DCAF5: variants seen among roughly 807,000 people sequenced by gnomAD.
DCAF5 encodes DDB1- and CUL4-associated factor 5.
DCAF5 carries 9 observed loss-of-function variants against 80.7 expected under a neutral mutation model. The observed-to-expected ratio is 0.11, with a 90% CI of 0.07 to 0.19. The LOEUF is 0.19. Among genes scored for constraint, DCAF5 ranks in the 10% least tolerant of loss-of-function variants. The pLI is 1.00. For missense variants in DCAF5, 842 were observed against 1,205.7 expected (o/e 0.70, Z 4.47); for synonymous variants, 433 against 461.9 (o/e 0.94, Z 0.80).
chr14:69,128,782 C>A (rs1416144541), intron 1 of DCAF5, among the ~76,000 whole-genome samples: 2 of 151,838 alleles, frequency 1.3e-5, no homozygotes, highest in African/African-American at 2.4e-5. Flanking sequence ...CAAACAACAA[C>A]AAAAAAACCA....
chr14:69,092,067 T>A (rs2039551166), intron 5 of DCAF5, among the ~76,000 whole-genome samples, 180 bp from the exon 6 acceptor site: 1 of 152,216 alleles, frequency 6.6e-6, no homozygotes, highest in Non-Finnish European at 1.5e-5. Flanking sequence ...TTAAAACAAG[T>A]TACTTCAATT....
chr14:69,070,962 T>C (rs1447943715), intron 7 of DCAF5, among the ~76,000 whole-genome samples: 1 of 152,108 alleles, frequency 6.6e-6, no homozygotes, highest in Non-Finnish European at 1.5e-5. Context: ...TACACCTGGC[T>C]AATTTTTGAA....
chr14:69,053,840 T>A lies in DCAF5; in HGVS notation c.*17A>T. On this transcript the variant is annotated 3_prime_UTR_variant, in exon 9 of 9. Transcript: ENST00000341516. Reference sequence around the variant, plus strand: ...GTAAGGCTACTTTTGTAGCTTTTTGTTTTCCCTTTGTATTTATCATGTTTT... The same window carrying A: ...GTAAGGCTACTTTTGTAGCTTTTTGATTTCCCTTTGTATTTATCATGTTTT... The A allele has an allele frequency of 6.4e-7, 1 of 1,571,754 alleles. No homozygotes were observed. The highest frequency in any genetic ancestry group is 1.4e-5 in the African/African-American group (1 of 72,578).
intron 7 of DCAF5, among the ~76,000 whole-genome samples, chr14:69,069,971 C>G (rs1199084270): frequency 6.6e-6 from 1 of 152,176 alleles, no homozygotes; most frequent in Non-Finnish European, 1.5e-5. Context: ...CTACTAAGTA[C>G]TCTCACAATA....
Position 69,152,608 on chromosome 14 carries a change from A to G in DCAF5, c.214+157T>C. On this transcript the variant is annotated intron_variant, in intron 1 of 8. Transcript: ENST00000341516. The surrounding 1 kb of genome is among the most constrained non-coding windows in gnomAD (Gnocchi z 4.1). ...ATCCTCTCCTTCCCCTCCCCCTGCA[A>G]TGGTTTTAATTTGACACCAAACCTT... is the stretch of plus-strand genomic sequence containing the variant. 1.7e-6 allele frequency: 1 copy of G among 604,856 alleles called. No homozygotes were observed. Among genetic ancestry groups the G allele is most frequent in the Non-Finnish European group, 2.9e-6 (1 of 345,318 alleles). 37.5% of individuals were successfully genotyped at this position (604,856 alleles called of 1,614,324 possible). A position where few individuals can be genotyped will look rare whatever the true frequency, so the allele number is the denominator to read the frequency against.
Position 69,078,039 on chromosome 14 carries a change from G to C in DCAF5, c.880-2628C>G, listed in dbSNP as rs2038966021. On this transcript the variant is annotated intron_variant, in intron 6 of 8. Coordinates refer to ENST00000341516, the MANE Select transcript of DCAF5 (RefSeq NM_003861.3). ...ACACTGTGAAGGAATGTTGGAGGCTGGATTAGACCTGAAAAGTCCCTAAGC... is the reference window on the plus strand; with the variant it reads ...ACACTGTGAAGGAATGTTGGAGGCTCGATTAGACCTGAAAAGTCCCTAAGC... Among the ~76,000 whole-genome samples the C allele has an allele frequency of 2.6e-5, 4 of 152,240 alleles. No homozygotes were observed. The South Asian group carries it at 8.3e-4, about 32-fold the overall frequency.
At chr14:69,106,798 G>T (rs558615761) in intron 5 of DCAF5, among the ~76,000 whole-genome samples, 1 of 152,294 alleles carries the variant, frequency 6.6e-6, no homozygotes, top group South Asian at 2.1e-4. Flanking sequence ...CCAGCACATT[G>T]GGAGGCTGAG....
At chr14:69,060,714 T>C (rs1407104313) in intron 8 of DCAF5, among the ~76,000 whole-genome samples, 3 of 152,030 alleles carry the variant, frequency 2.0e-5, no homozygotes, top group African/African-American at 7.2e-5. Flanking sequence ...GTAGTTTTAG[T>C]AGAGACAGGG....
chr14:69,078,874 C>CT (rs968533528), intron 6 of DCAF5, among the ~76,000 whole-genome samples: 52 of 149,356 alleles, frequency 3.5e-4, no homozygotes, highest in Admixed American at 6.7e-4. Context: ...TTAATGTACA[C>CT]TTTTTTTTTT....
intron 1 of DCAF5, among the ~76,000 whole-genome samples, chr14:69,150,625 G>A (rs1250329566): frequency 6.6e-6 from 1 of 151,854 alleles, no homozygotes; most frequent in Non-Finnish European, 1.5e-5. Context: ...GGTGGCTTAT[G>A]CTTGCAATCT....
rs1293985120 is a variant in DCAF5 at position 69,118,611 on chromosome 14, G to A, written c.396-333C>T. Among the ~76,000 whole-genome samples, 5 of 152,246 alleles carry A rather than the reference G, an allele frequency of 3.3e-5. No individual in the cohort carries two copies. On this transcript the variant is annotated intron_variant, in intron 3 of 8. Transcript: ENST00000341516. This position sits in a 1 kb window ranked among gnomAD's most constrained non-coding sequence, Gnocchi z 4.0. ...GGGGGTCATACTTGATTTTCAAAAA[G>A]CAAGGGAAAGCTTTAAAGCAGCCAA...
At chr14:69,123,247 T>G (rs1214240067) in intron 1 of DCAF5, among the ~76,000 whole-genome samples, 1 of 152,244 alleles carries the variant, frequency 6.6e-6, no homozygotes, top group Non-Finnish European at 1.5e-5. Context: ...GTAATCCATT[T>G]GCATAAAACA....
chr14:69,114,398 A>T (rs1191328173), intron 5 of DCAF5, among the ~76,000 whole-genome samples: 1 of 152,198 alleles, frequency 6.6e-6, no homozygotes, highest in Non-Finnish European at 1.5e-5. Flanking sequence ...TAGATCTGTT[A>T]GTGTTGGTAT....
intron 5 of DCAF5, among the ~76,000 whole-genome samples, chr14:69,099,249 T>TC (rs1452651274): frequency 9.9e-6 from 1 of 101,504 alleles, no homozygotes; most frequent in Non-Finnish European, 1.9e-5. Context: ...GGACTCTGTC[T>TC]CAACACACAC....
intron 7 of DCAF5, among the ~76,000 whole-genome samples, chr14:69,069,931 T>C (rs2038619017): frequency 6.6e-6 from 1 of 152,202 alleles, no homozygotes; most frequent in African/African-American, 2.4e-5. Flanking sequence ...GAGAAGGCTT[T>C]CTTAGTGAGG....
rs1434657074 is a variant in DCAF5 at position 69,053,628 on chromosome 14, T to A, written c.*229A>T. The A allele has an allele frequency of 1.6e-5, 8 of 487,488 alleles. No individual in the cohort carries two copies. In the African/African-American group the frequency reaches 2.0e-4, roughly 12 times the overall value. The allele number at this position is 487,488 out of a possible 1,614,324, so 30.2% of individuals were successfully genotyped here. On this transcript the variant is annotated 3_prime_UTR_variant, in exon 9 of 9. Transcript: ENST00000341516. The stretch of plus-strand genomic sequence containing the variant: ...CACGTCTCACTAGAAAGGAGTCACT[T>A]GGGTTATTTTTTTTTCCCCTTTCTT...
intron 5 of DCAF5, 27 bp downstream of exon 5, chr14:69,116,339 T>A (rs778192756): frequency 1.2e-6 from 2 of 1,601,882 alleles, no homozygotes; most frequent in African/African-American, 1.3e-5. Context: ...AGGAAAGTTT[T>A]AACACCTATG....
chr14:69,134,862 G>A (rs765375784), intron 1 of DCAF5, among the ~76,000 whole-genome samples: 2 of 152,162 alleles, frequency 1.3e-5, no homozygotes, highest in African/African-American at 4.8e-5. Context: ...CATCTTGGAG[G>A]ACAATTGGGT....
At chr14:69,072,891 T>C (rs1362870491) in intron 7 of DCAF5, among the ~76,000 whole-genome samples, 1 of 152,186 alleles carries the variant, frequency 6.6e-6, no homozygotes, top group East Asian at 1.9e-4. Context: ...GGTCCTGTCC[T>C]TGTGCACAAA....
Sources: gnomAD v4.1 joint callset for allele counts (sites outside exome capture counted in the v4.1 genomes callset) on GRCh38, gnomAD v4.1.1 for gene constraint, Gnocchi (gnomAD v3.1) non-coding constraint, MANE v1.5 for transcripts, NCBI Gene and HGNC (gene_info 2026-07-23, HGNC 2026-07-21) for gene names.